The following DNAJB6 variants were observed in gnomAD, a reference collection of about 807,000 sequenced individuals.
DNAJB6 encodes dnaJ homolog subfamily B member 6.
In DNAJB6, 16 loss-of-function variants were observed where a neutral mutation model predicts 42.7. The observed-to-expected ratio is 0.37, with a 90% CI of 0.25 to 0.57. DNAJB6 has a LOEUF of 0.57. DNAJB6 is among the 20% of genes least tolerant of loss of function. The pLI is 0.74. For missense variants in DNAJB6, 347 were observed against 416.8 expected (o/e 0.83, Z 1.46); for synonymous variants, 170 against 163.5 (o/e 1.04, Z -0.30).
intron 1 of DNAJB6, among the ~76,000 whole-genome samples, chr7:157,337,345 C>T (rs985014667): frequency 6.0e-5 from 9 of 151,166 alleles, no homozygotes; most frequent in African/African-American, 1.9e-4. Context: ...AGGTCTGGGG[C>T]CGGGGCCGGG....
chr7:157,409,782 G>A lies in DNAJB6; in HGVS notation c.692-13G>A, dbSNP rs192981897. 4.0e-6 allele frequency: 6 copies of A among 1,517,902 alleles called. No individual in the cohort carries two copies. The highest frequency in any genetic ancestry group is 2.5e-5 in the East Asian group (1 of 40,170). The allele number at this position is 1,517,902 out of a possible 1,614,324, so 94.0% of individuals were successfully genotyped here. On this transcript the variant is annotated splice_polypyrimidine_tract_variant and intron_variant, in intron 8 of 9. Coordinates refer to ENST00000262177, the MANE Select transcript of DNAJB6 (RefSeq NM_058246.4). ...GCTCACTCACGGCTCTCTCTCTCCCGCTGTGCCTGCAGGTGTGGCCGACGA... is the reference window on the plus strand; with the variant it reads ...GCTCACTCACGGCTCTCTCTCTCCCACTGTGCCTGCAGGTGTGGCCGACGA...
Position 157,409,978 on chromosome 7 carries a change from G to A in DNAJB6, c.875G>A (p.Trp292Ter), listed in dbSNP as rs1370731126. ...GACCGACCTCGGGCACCCGGGCCCT[G>A]GGACCCCCTCGCGTCCGCAGCAGGT... ...EQDRPRAPGP[W>*]DPLASAAGLK... is the part of the protein sequence containing the mutation. The change falls in exon 9 of 10, where the codon TGG becomes TAG. Residue 292 changes from tryptophan (W) to a stop codon, truncating the protein, a stop_gained. Coordinates refer to ENST00000262177, the MANE Select transcript of DNAJB6 (RefSeq NM_058246.4). LOFTEE classifies it high-confidence loss of function. 11 of 1,534,286 alleles carry A rather than the reference G, an allele frequency of 7.2e-6. No individual in the cohort carries two copies. Among genetic ancestry groups the A allele is most frequent in the Non-Finnish European group, 9.6e-6 (11 of 1,143,696 alleles).
intron 5 of DNAJB6, among the ~76,000 whole-genome samples, chr7:157,372,398 G>A (rs532129088): frequency 7.2e-5 from 11 of 152,338 alleles, no homozygotes; most frequent in Admixed American, 3.3e-4. Context: ...CCCTGGGGAC[G>A]TAGAGGAGCT....
chr7:157,340,341 T>C (rs1584869277), intron 1 of DNAJB6, among the ~76,000 whole-genome samples: 1 of 151,832 alleles, frequency 6.6e-6, no homozygotes, highest in African/African-American at 2.4e-5. Context: ...CGAGTAAGAG[T>C]AGGATCAGTG....
At chr7:157,358,479 C>T in intron 1 of DNAJB6, 68 bp from the exon 2 acceptor site, 1 of 1,025,450 alleles carries the variant, frequency 9.8e-7, no homozygotes, top group East Asian at 2.4e-5. Flanking sequence ...CCTCTCCAGA[C>T]CCATCCCACC....
rs1796104443 is a variant in DNAJB6 at position 157,416,198 on chromosome 7, T to C, written c.*100T>C. 7 of 1,524,480 alleles carry C rather than the reference T, an allele frequency of 4.6e-6. No homozygotes were observed. In the South Asian group the frequency reaches 7.2e-5, roughly 16 times the overall value. The allele number at this position is 1,524,480 out of a possible 1,614,324, so 94.4% of individuals were successfully genotyped here. A position where few individuals can be genotyped will look rare whatever the true frequency, so the allele number is the denominator to read the frequency against. On this transcript the variant is annotated 3_prime_UTR_variant, in exon 10 of 10. Transcript: ENST00000262177. ...GCTAGGTAGCAGCGTCGGTCAGGACTGTCTCGAGGCCACACTCGCTCGGCA... is the reference window on the plus strand; with the variant it reads ...GCTAGGTAGCAGCGTCGGTCAGGACCGTCTCGAGGCCACACTCGCTCGGCA...
chr7:157,410,082 C>T (rs1795920653), intron 9 of DNAJB6, 81 bp downstream of exon 9: 4 of 1,460,372 alleles, frequency 2.7e-6, no homozygotes, highest in Middle Eastern at 1.8e-4. Context: ...ACACAAACCG[C>T]GCCTGGGCTG....
chr7:157,354,452 TTTTTAG>T (rs1336587421), intron 1 of DNAJB6, among the ~76,000 whole-genome samples: 2 of 146,614 alleles, frequency 1.4e-5, no homozygotes, highest in Non-Finnish European at 3.0e-5. Context: ...CAGCTATTCA[TTTTTAG>T]TTTTAATTTT....
At chr7:157,348,696 T>C (rs1434666694) in intron 1 of DNAJB6, among the ~76,000 whole-genome samples, 1 of 152,184 alleles carries the variant, frequency 6.6e-6, no homozygotes, top group Non-Finnish European at 1.5e-5. Flanking sequence ...CACCACCGCT[T>C]AACTCTTCTA....
At chr7:157,376,873 C>G (rs1203992776) in intron 5 of DNAJB6, among the ~76,000 whole-genome samples, 1 of 152,184 alleles carries the variant, frequency 6.6e-6, no homozygotes. Context: ...GAGCAAGACT[C>G]CGTCTTGGGA....
chr7:157,373,348 T>C (rs906667636), intron 5 of DNAJB6, among the ~76,000 whole-genome samples: 5 of 152,174 alleles, frequency 3.3e-5, no homozygotes, highest in African/African-American at 1.2e-4. Context: ...AAGTTAGACA[T>C]GTGCCCTCAC....
intron 1 of DNAJB6, among the ~76,000 whole-genome samples, chr7:157,353,648 A>G (rs545205223): frequency 1.4e-4 from 20 of 140,180 alleles, no homozygotes; most frequent in Non-Finnish European, 2.3e-4. Flanking sequence ...TTTGTTTGTG[A>G]TAAGTTGGGC....
intron 5 of DNAJB6, among the ~76,000 whole-genome samples, chr7:157,370,293 T>TGGGCCCCTTCTTAACATTATTATTAAAC (rs1312745641): frequency 2.8e-5 from 4 of 142,222 alleles, no homozygotes; most frequent in South Asian, 2.3e-4. Context: ...TATTATTAAA[T>TGGGCCCCTTCTTAACATTATTATTAAAC]GGGCCCCTTC....
chr7:157,363,826 A>G (rs1462814194), intron 3 of DNAJB6, among the ~76,000 whole-genome samples: 1 of 152,170 alleles, frequency 6.6e-6, no homozygotes, highest in Non-Finnish European at 1.5e-5. Flanking sequence ...CCTAGTTCAC[A>G]AATGGGTGAG....
chr7:157,339,135 C>T (rs1798206298), intron 1 of DNAJB6, among the ~76,000 whole-genome samples: 1 of 151,956 alleles, frequency 6.6e-6, no homozygotes, highest in Admixed American at 6.6e-5. Context: ...TACTGAGTGG[C>T]GTACATTAGC....
intron 5 of DNAJB6, among the ~76,000 whole-genome samples, chr7:157,375,174 A>C (rs1198764444): frequency 6.6e-6 from 1 of 152,172 alleles, no homozygotes; most frequent in Non-Finnish European, 1.5e-5. Context: ...GCAGTATGAT[A>C]GTGTAGGGGG....
intron 8 of DNAJB6, 73 bp downstream of exon 8, chr7:157,385,684 C>T (rs1195663458): frequency 6.3e-7 from 1 of 1,595,328 alleles, no homozygotes; most frequent in African/African-American, 1.3e-5. Context: ...TAAACTATAA[C>T]AAGCACCATT....
chr7:157,360,096 T>C (rs1799502272), intron 2 of DNAJB6, among the ~76,000 whole-genome samples: 2 of 152,244 alleles, frequency 1.3e-5, no homozygotes, highest in African/African-American at 2.4e-5. Flanking sequence ...ATGGATGTAT[T>C]AGTCTGTTTT....
At chr7:157,347,290 A>G (rs1460745077) in intron 1 of DNAJB6, among the ~76,000 whole-genome samples, 1 of 152,250 alleles carries the variant, frequency 6.6e-6, no homozygotes, top group East Asian at 1.9e-4. Context: ...AGAATGTCCC[A>G]TAGCCTTGAG....
Sources: allele counts gnomAD v4.1 joint callset (sites outside exome capture counted in the v4.1 genomes callset), GRCh38; gene constraint gnomAD v4.1.1; transcripts MANE v1.5; gene names NCBI Gene and HGNC (gene_info 2026-07-23, HGNC 2026-07-21).